The following CPPED1 variants were observed in gnomAD, a reference collection of about 807,000 sequenced individuals.
The protein encoded by CPPED1 is calcineurin like phosphoesterase domain containing 1, also known as serine/threonine-protein phosphatase CPPED1.
A neutral mutation model predicts 28.0 loss-of-function variants in CPPED1; 28 were observed. The ratio of observed to expected loss-of-function variants is 1.00; its 90% CI spans 0.74 to 1.37. The LOEUF (loss-of-function observed/expected upper bound fraction) is 1.37. Ranked by LOEUF, CPPED1 falls within the 40% of genes most tolerant of loss-of-function variation. The probability of loss-of-function intolerance (pLI) is 0.00; values close to 1 mark genes in which losing one functional copy is unlikely to be tolerated. For missense variants in CPPED1, 504 were observed against 416.5 expected (o/e 1.21, Z -1.83); for synonymous variants, 198 against 180.2 (o/e 1.10, Z -0.79).
chr16:12,735,205 T>C (rs1218631450), intron 2 of CPPED1, among the ~76,000 whole-genome samples: 1 of 152,194 alleles, frequency 6.6e-6, no homozygotes. Context: ...ATGATTATTT[T>C]TGCCTTTCTC....
At chr16:12,732,601 C>T (rs1306207449) in intron 2 of CPPED1, among the ~76,000 whole-genome samples, 1 of 152,038 alleles carries the variant, frequency 6.6e-6, no homozygotes, top group African/African-American at 2.4e-5. Flanking sequence ...CAAAGTCCCT[C>T]ACAGTATTAT....
intron 2 of CPPED1, among the ~76,000 whole-genome samples, chr16:12,762,343 C>T (rs1197636642): frequency 2.0e-5 from 3 of 152,110 alleles, no homozygotes; most frequent in Non-Finnish European, 4.4e-5. Context: ...TGATATTGTA[C>T]TAGTTATGCT....
chr16:12,765,637 A>C (rs1413660281), intron 2 of CPPED1, among the ~76,000 whole-genome samples: 2 of 152,240 alleles, frequency 1.3e-5, no homozygotes, highest in African/African-American at 4.8e-5. Context: ...CTCAAATAAT[A>C]TATAAAGAAA....
intron 2 of CPPED1, among the ~76,000 whole-genome samples, chr16:12,722,311 T>A (rs1281080886): frequency 6.6e-6 from 1 of 152,200 alleles, no homozygotes; most frequent in Admixed American, 6.5e-5. Context: ...CGCCCTCAGG[T>A]AAGTAGATGC....
At chr16:12,745,469 A>G (rs1567293427) in intron 2 of CPPED1, among the ~76,000 whole-genome samples, 1 of 152,202 alleles carries the variant, frequency 6.6e-6, no homozygotes, top group Non-Finnish European at 1.5e-5. Flanking sequence ...GTCCATATAC[A>G]CCATGGAACA....
Position 12,803,716 on chromosome 16 carries a change from A to G in CPPED1, c.61T>C (p.Phe21Leu). ...GAGGGGCGGGCAGTACCTGCGGGAA[A>G]CGCGGCCAGGGTCCTGCCCCTGGCT... is the stretch of plus-strand genomic sequence containing the variant. ...HRARGRTLAA[F>L]PAEKESEWKG... The change falls in exon 1 of 4, where the codon TTT (phenylalanine) becomes CTT (leucine). Residue 21 changes from phenylalanine to leucine, a missense_variant. Transcript: ENST00000381774. The G allele has an allele frequency of 2.5e-6, 4 of 1,579,304 alleles. No individual in the cohort carries two copies. Among genetic ancestry groups the G allele is most frequent in the South Asian group, 2.3e-5 (2 of 86,978 alleles).
At chr16:12,711,441 T>C (rs1386510521) in intron 2 of CPPED1, among the ~76,000 whole-genome samples, 1 of 152,210 alleles carries the variant, frequency 6.6e-6, no homozygotes, top group Non-Finnish European at 1.5e-5. Flanking sequence ...AGGAATATAC[T>C]TCATGCCACT....
At position 12,745,504 on chromosome 16, in the gene CPPED1, G is replaced by A. The variant is rs145204070; in HGVS notation, c.289+35681C>T. Among the ~76,000 whole-genome samples, 20 of 152,322 alleles carry A rather than the reference G, an allele frequency of 1.3e-4. 1 individual carries two copies. In the East Asian group the frequency reaches 3.5e-3, roughly 26 times the overall value. On this transcript the variant is annotated intron_variant, in intron 2 of 3. Transcript: ENST00000381774. ...ACTACACAGCTATAAAAAAAGGAAC[G>A]AGATCATGTCTTTTGCAGGAACATG...
chr16:12,707,684 A>C (rs1257498044), intron 2 of CPPED1, among the ~76,000 whole-genome samples: 1 of 152,226 alleles, frequency 6.6e-6, no homozygotes, highest in Non-Finnish European at 1.5e-5. Flanking sequence ...TTGGGAAGGA[A>C]ACCTTGTCTA....
intron 2 of CPPED1, among the ~76,000 whole-genome samples, chr16:12,720,623 T>C (rs1436084846): frequency 6.6e-6 from 1 of 152,136 alleles, no homozygotes; most frequent in Non-Finnish European, 1.5e-5. Context: ...GAGTATCTGG[T>C]ACTACAGGTG....
chr16:12,795,962 A>C (rs1227362336), intron 1 of CPPED1, among the ~76,000 whole-genome samples: 1 of 151,942 alleles, frequency 6.6e-6, no homozygotes, highest in East Asian at 1.9e-4. Context: ...ATGCACCTGT[A>C]GTCCCAGCTA....
intron 1 of CPPED1, among the ~76,000 whole-genome samples, chr16:12,794,281 A>T (rs2141245900): frequency 6.6e-6 from 1 of 152,268 alleles, no homozygotes; most frequent in South Asian, 2.1e-4. Context: ...TGATGGTTGT[A>T]CACCTCTGTG....
chr16:12,765,399 G>C (rs966718709), intron 2 of CPPED1, among the ~76,000 whole-genome samples: 1 of 152,178 alleles, frequency 6.6e-6, no homozygotes. Context: ...AGCAACTCTT[G>C]TTGAATCTGT....
chr16:12,724,186 A>G (rs1596460821), intron 2 of CPPED1, among the ~76,000 whole-genome samples: 1 of 152,072 alleles, frequency 6.6e-6, no homozygotes, highest in Non-Finnish European at 1.5e-5. Flanking sequence ...GGCGGCCTGG[A>G]TGGCAGACAA....
intron 3 of CPPED1, among the ~76,000 whole-genome samples, chr16:12,686,528 C>G (rs144594764): frequency 6.6e-6 from 1 of 152,186 alleles, no homozygotes; most frequent in Non-Finnish European, 1.5e-5. Context: ...CTTCTTGTAT[C>G]ATTTCTATTC....
intron 2 of CPPED1, among the ~76,000 whole-genome samples, chr16:12,744,047 C>T (rs1268262864): frequency 2.0e-5 from 3 of 151,990 alleles, no homozygotes; most frequent in Admixed American, 1.3e-4. Flanking sequence ...GAGGCTGAGG[C>T]GGGTGGATCA....
intron 1 of CPPED1, among the ~76,000 whole-genome samples, chr16:12,802,761 C>A (rs1376798558): frequency 6.6e-6 from 1 of 152,190 alleles, no homozygotes; most frequent in Admixed American, 6.5e-5. Flanking sequence ...AAACAGCAAG[C>A]GCCAAGACCC....
At chr16:12,757,047 C>T (rs941227747) in intron 2 of CPPED1, among the ~76,000 whole-genome samples, 4 of 152,106 alleles carry the variant, frequency 2.6e-5, no homozygotes, top group Non-Finnish European at 4.4e-5. Context: ...CTCGAGGTGA[C>T]CAACTAAGTT....
intron 3 of CPPED1, among the ~76,000 whole-genome samples, chr16:12,674,229 C>T (rs150689609): frequency 3.9e-5 from 6 of 152,186 alleles, no homozygotes; most frequent in East Asian, 1.9e-4. Context: ...TACAAAGAGA[C>T]GGTCAGGCAG....
Sources: gnomAD v4.1 joint callset for allele counts (sites outside exome capture counted in the v4.1 genomes callset) on GRCh38, gnomAD v4.1.1 for gene constraint, MANE v1.5 for transcripts, NCBI Gene and HGNC (gene_info 2026-07-23, HGNC 2026-07-21) for gene names.